The following CSMD2 variants were observed in gnomAD, a reference collection of about 807,000 sequenced individuals.
The protein encoded by CSMD2 is CUB and Sushi multiple domains 2.
CSMD2 carries 130 observed loss-of-function variants against 398.5 expected under a neutral mutation model. The observed-to-expected ratio is 0.33, with a 90% confidence interval of 0.28 to 0.38. The LOEUF (loss-of-function observed/expected upper bound fraction) is 0.38. CSMD2 is among the 10% of genes least tolerant of loss of function. CSMD2 has a pLI of 1.00. For synonymous variants in CSMD2, 1,828 were observed against 1,908.5 expected, an observed-to-expected ratio of 0.96 and a Z score of 1.10; for missense variants, 3,829 against 4,764.9, an observed-to-expected ratio of 0.80 and a Z score of 5.78.
At chr1:33,759,516 G>A (rs1366492407) in intron 13 of CSMD2, among the ~76,000 whole-genome samples, 1 of 151,784 alleles carries the variant, frequency 6.6e-6, no homozygotes, top group Non-Finnish European at 1.5e-5. Context: ...TAGTAGAGAT[G>A]GGGTTTCACG....
chr1:33,651,567 G>GT (rs1643757519), intron 28 of CSMD2, among the ~76,000 whole-genome samples: 1 of 152,118 alleles, frequency 6.6e-6, no homozygotes, highest in South Asian at 2.1e-4. Flanking sequence ...AGAAGAGGAG[G>GT]TTTTGACAAA....
At chr1:34,038,210 AG>A (rs1205609352) in intron 2 of CSMD2, among the ~76,000 whole-genome samples, 1 of 152,212 alleles carries the variant, frequency 6.6e-6, no homozygotes, top group Non-Finnish European at 1.5e-5. Context: ...TAAAACTTTC[AG>A]ACTTTCCCAT....
At chr1:33,684,348 T>G (rs973472648) in intron 25 of CSMD2, among the ~76,000 whole-genome samples, 1 of 152,152 alleles carries the variant, frequency 6.6e-6, no homozygotes, top group Non-Finnish European at 1.5e-5. Context: ...AATATGAGCT[T>G]TATGGGCATA....
At chr1:33,916,700 C>T (rs115761252) in intron 5 of CSMD2, among the ~76,000 whole-genome samples, 3 of 152,274 alleles carry the variant, frequency 2.0e-5, no homozygotes, top group African/African-American at 7.2e-5. Flanking sequence ...GAGTTTTCTG[C>T]TTATGCTAGT....
At position 34,149,674 on chromosome 1, in the gene CSMD2, G is replaced by A. The variant is rs115956940; in HGVS notation, c.187+15237C>T. Among the ~76,000 whole-genome samples the A allele has an allele frequency of 5.8e-3, 891 of 152,316 alleles. 9 individuals are homozygous for A. Among genetic ancestry groups the A allele is most frequent in the African/African-American group, 0.02 (846 of 41,574 alleles). ...TTAAGCAGTTTAGGAATGCTAATGCGTGCCTTTGGGGCTGGTGCCTTCCCA... is the reference window on the plus strand; with the variant it reads ...TTAAGCAGTTTAGGAATGCTAATGCATGCCTTTGGGGCTGGTGCCTTCCCA... On this transcript the variant is annotated intron_variant, in intron 1 of 70. Transcript: ENST00000373381.
chr1:34,110,173 C>T (rs533263488), intron 1 of CSMD2, among the ~76,000 whole-genome samples: 1 of 151,442 alleles, frequency 6.6e-6, no homozygotes, highest in African/African-American at 2.4e-5. Context: ...AGAATGGCTA[C>T]TATTAAAAAG....
intron 2 of CSMD2, among the ~76,000 whole-genome samples, chr1:34,060,931 A>G (rs1330406242): frequency 2.0e-5 from 3 of 151,992 alleles, no homozygotes; most frequent in African/African-American, 7.3e-5. Flanking sequence ...GGCCCCACCC[A>G]CCTGTATCCC....
At chr1:33,639,614 G>A (rs1642996684) in intron 29 of CSMD2, among the ~76,000 whole-genome samples, 1 of 152,202 alleles carries the variant, frequency 6.6e-6, no homozygotes. Context: ...TTGGCACCAA[G>A]GCTAGCCCTA....
intron 5 of CSMD2, among the ~76,000 whole-genome samples, chr1:33,899,093 C>T (rs534628031): frequency 2.0e-5 from 3 of 152,278 alleles, no homozygotes; most frequent in South Asian, 2.1e-4. Context: ...AAGGACGTGA[C>T]GGATGTGGCT....
At chr1:33,968,347 C>T (rs138088544) in intron 3 of CSMD2, among the ~76,000 whole-genome samples, 1 of 152,356 alleles carries the variant, frequency 6.6e-6, no homozygotes, top group East Asian at 1.9e-4. Flanking sequence ...CAACAATCCT[C>T]TAGCATCTGG....
intron 5 of CSMD2, among the ~76,000 whole-genome samples, chr1:33,896,403 G>A (rs1642389801): frequency 6.6e-6 from 1 of 152,128 alleles, no homozygotes; most frequent in South Asian, 2.1e-4. Flanking sequence ...ACATCACCTG[G>A]TGAGGTCACA....
intron 5 of CSMD2, chr1:33,863,854 T>C (rs1639738116): frequency 4.9e-6 from 1 of 205,160 alleles, no homozygotes; most frequent in Non-Finnish European, 9.7e-6. Context: ...GGAGAATTAT[T>C]TCTGGGGGAC....
intron 28 of CSMD2, among the ~76,000 whole-genome samples, chr1:33,650,338 G>C (rs1474579028): frequency 6.6e-6 from 1 of 152,180 alleles, no homozygotes; most frequent in Non-Finnish European, 1.5e-5. Flanking sequence ...AAGGTTCCTT[G>C]GGGAGGATGA....
At chr1:33,600,525 G>T in intron 44 of CSMD2, 1 of 496,934 alleles carries the variant, frequency 2.0e-6, no homozygotes, top group South Asian at 2.9e-5. Flanking sequence ...AGGAGAACCC[G>T]CTAGAAAGTG....
At chr1:34,157,746 AC>A (rs1236685153) in intron 1 of CSMD2, among the ~76,000 whole-genome samples, 1 of 151,832 alleles carries the variant, frequency 6.6e-6, no homozygotes, top group African/African-American at 2.4e-5. Flanking sequence ...CTGTGCCAAC[AC>A]ATCCCAACCC....
At chr1:33,996,786 G>A (rs557236646) in intron 3 of CSMD2, among the ~76,000 whole-genome samples, 178 of 152,002 alleles carry the variant, frequency 1.2e-3, no homozygotes, top group African/African-American at 4.1e-3. Flanking sequence ...AGAAAAGGGC[G>A]GGAGGAAGAG....
intron 1 of CSMD2, among the ~76,000 whole-genome samples, chr1:34,162,794 G>A (rs1376795616): frequency 4.6e-5 from 7 of 152,174 alleles, no homozygotes; most frequent in African/African-American, 1.7e-4. Flanking sequence ...AGGAGGCGGA[G>A]GTTGCAGTGA....
At chr1:34,161,963 G>C (rs552606125) in intron 1 of CSMD2, among the ~76,000 whole-genome samples, 117 of 152,036 alleles carry the variant, frequency 7.7e-4, no homozygotes, top group African/African-American at 2.7e-3. Context: ...ATGAGGTCAG[G>C]AGTTCGAGAC....
chr1:33,955,155 T>A (rs951516323), intron 3 of CSMD2, among the ~76,000 whole-genome samples: 5 of 152,214 alleles, frequency 3.3e-5, no homozygotes, highest in Non-Finnish European at 7.3e-5. Context: ...TCCTGCCTCA[T>A]TTCCAATTCC....
Sources: allele counts gnomAD v4.1 joint callset (sites outside exome capture counted in the v4.1 genomes callset), GRCh38; gene constraint gnomAD v4.1.1; transcripts MANE v1.5; gene names NCBI Gene and HGNC (gene_info 2026-07-23, HGNC 2026-07-21).